ADGRA1: variants seen among roughly 807,000 people sequenced by gnomAD.
The protein encoded by ADGRA1 is adhesion G protein-coupled receptor A1.
In ADGRA1, 12 loss-of-function variants were observed where a neutral mutation model predicts 21.3. The observed-to-expected ratio is 0.56, with a 90% confidence interval of 0.36 to 0.91. The LOEUF is 0.91. ADGRA1 is among the 40% of genes least tolerant of loss of function. ADGRA1 has a pLI of 0.01. For missense variants in ADGRA1, 790 were observed against 805.6 expected, an observed-to-expected ratio of 0.98 and a Z score of 0.23; for synonymous variants, 385 against 368.8, an observed-to-expected ratio of 1.04 and a Z score of -0.50.
rs185079252 is a variant in ADGRA1, at chr10:133,114,476, T to C, written c.401+11634T>C. On this transcript the variant is annotated intron_variant, in intron 5 of 6. Coordinates refer to ENST00000392607, the MANE Select transcript of ADGRA1 (RefSeq NM_001083909.3). ...TGTGGTGCCGTCTGCAGGGTACAGC[T>C]GGTGCCCAGGACAGTGGCCCTGTCC... is the stretch of plus-strand genomic sequence containing the variant. Among the ~76,000 whole-genome samples the C allele has an allele frequency of 5.8e-3, 884 of 152,278 alleles. 2 individuals carry two copies. Among genetic ancestry groups the C allele is most frequent in the Non-Finnish European group, 0.01 (704 of 68,006 alleles).
chr10:133,104,118 C>T (rs957551408), intron 5 of ADGRA1, among the ~76,000 whole-genome samples: 3 of 152,250 alleles, frequency 2.0e-5, no homozygotes, highest in Non-Finnish European at 4.4e-5. Flanking sequence ...CATTTCAAGG[C>T]AGATACAGCC....
At chr10:133,089,041 CA>C in intron 2 of ADGRA1, 129 bp downstream of exon 2, 1 of 1,234,112 alleles carries the variant, frequency 8.1e-7, no homozygotes, top group Non-Finnish European at 1.0e-6. Context: ...CTTCCGGGCT[CA>C]GTGCCGGGGT....
Position 133,129,805 on chromosome 10 carries a change from C to T in ADGRA1, c.*294C>T, listed in dbSNP as rs987315249. Reference sequence around the variant, plus strand: ...CGTGCTGGTCCCGCACACGGTCATCCGGTTTCTGTCCTGTGGTCTCCAGTC... The same window carrying T: ...CGTGCTGGTCCCGCACACGGTCATCTGGTTTCTGTCCTGTGGTCTCCAGTC... On this transcript the variant is annotated 3_prime_UTR_variant, in exon 7 of 7. Transcript: ENST00000392607. 2.6e-5 allele frequency: 10 copies of T among 389,980 alleles called. No homozygotes were observed. The highest frequency in any genetic ancestry group is 4.8e-5 in the Non-Finnish European group (10 of 210,210). 24.2% of individuals were successfully genotyped at this position (389,980 alleles called of 1,614,324 possible). A position where few individuals can be genotyped will look rare whatever the true frequency, so the allele number is the denominator to read the frequency against.
chr10:133,121,611 A>C (rs1233555827), intron 5 of ADGRA1, among the ~76,000 whole-genome samples: 1 of 65,158 alleles, frequency 1.5e-5, no homozygotes, highest in Non-Finnish European at 3.0e-5. Context: ...TGTGCATGTG[A>C]GTGCCTGTGT....
At chr10:133,106,277 G>A (rs1480811930) in intron 5 of ADGRA1, among the ~76,000 whole-genome samples, 1 of 152,234 alleles carries the variant, frequency 6.6e-6, no homozygotes, top group Admixed American at 6.5e-5. Context: ...TTCAGTCCCA[G>A]GCCCATCACT....
intron 5 of ADGRA1, among the ~76,000 whole-genome samples, chr10:133,116,267 C>G (rs1331049733): frequency 6.6e-6 from 1 of 152,190 alleles, no homozygotes; most frequent in East Asian, 1.9e-4. Context: ...TCCGCAGGGC[C>G]TGTGCCTTCG....
chr10:133,111,086 T>G (rs1173034977), intron 5 of ADGRA1, among the ~76,000 whole-genome samples: 3 of 144,080 alleles, frequency 2.1e-5, no homozygotes, highest in Non-Finnish European at 4.6e-5. Context: ...GCCACCTGCC[T>G]GCCATGGGCA....
rs1224529093 is a variant in ADGRA1, at chr10:133,089,059, C to T, written c.3+147C>T. ...CCGGGCTCAGTGCCGGGGTGGGAGGCTCTGTGGAGTGGGGGCCGGGGACAG... is the reference window on the plus strand; with the variant it reads ...CCGGGCTCAGTGCCGGGGTGGGAGGTTCTGTGGAGTGGGGGCCGGGGACAG... On this transcript the variant is annotated intron_variant, in intron 2 of 6. Transcript: ENST00000392607. 8 of 1,230,192 alleles carry T rather than the reference C, an allele frequency of 6.5e-6. No homozygotes were observed. The East Asian group carries it at 2.5e-4, about 39-fold the overall frequency. The allele number at this position is 1,230,192 out of a possible 1,614,324, so 76.2% of individuals were successfully genotyped here.
intron 5 of ADGRA1, among the ~76,000 whole-genome samples, chr10:133,106,611 G>C (rs1387707549): frequency 1.3e-5 from 2 of 152,256 alleles, no homozygotes; most frequent in African/African-American, 4.8e-5. Flanking sequence ...GGGGACTGGA[G>C]AGCCCCCAGG....
chr10:133,111,793 C>A (rs200723082), intron 5 of ADGRA1, among the ~76,000 whole-genome samples: 647 of 72,828 alleles, frequency 8.9e-3, no homozygotes, highest in Non-Finnish European at 0.011. Flanking sequence ...CCCTCCAGAC[C>A]ACCTGCCCAC....
Position 133,088,925 on chromosome 10 carries a change from G to A in ADGRA1, c.3+13G>A, listed in dbSNP as rs1851551632. ...TGCAGCGCTCATGGTGAGTACGGGG[G>A]TCCCGGGGGTCCTGCAGCTGGGGGC... On this transcript the variant is annotated intron_variant, in intron 2 of 6. Coordinates refer to ENST00000392607, the MANE Select transcript of ADGRA1 (RefSeq NM_001083909.3). The A allele has an allele frequency of 2.4e-6, 3 of 1,241,484 alleles. No homozygotes were observed. Among genetic ancestry groups the A allele is most frequent in the African/African-American group, 1.5e-5 (1 of 64,858 alleles). The allele number at this position is 1,241,484 out of a possible 1,614,324, so 76.9% of individuals were successfully genotyped here.
rs1272406362 is a variant in ADGRA1 at position 133,130,780 on chromosome 10, A to C, written c.*1269A>C. ...GCACACACACAAACACGTGCATATC[A>C]CACACATGCACACAAACGTGCATAT... On this transcript the variant is annotated 3_prime_UTR_variant, in exon 7 of 7. Coordinates refer to ENST00000392607, the MANE Select transcript of ADGRA1 (RefSeq NM_001083909.3). 2 of 151,786 alleles carry C rather than the reference A, an allele frequency of 1.3e-5. No homozygotes were observed. Among genetic ancestry groups the C allele is most frequent in the Non-Finnish European group, 2.9e-5 (2 of 68,022 alleles). The allele number at this position is 151,786 out of a possible 1,614,324, so 9.4% of individuals were successfully genotyped here. A position where few individuals can be genotyped will look rare whatever the true frequency, so the allele number is the denominator to read the frequency against.
Position 133,118,013 on chromosome 10 carries a change from G to A in ADGRA1, c.402-9220G>A, listed in dbSNP as rs1049079822. ...GACAGTGGAGGCTGGGAGGGAATGA[G>A]CCAGCTGGTCAGGCCAGCCAGGTGA... On this transcript the variant is annotated intron_variant, in intron 5 of 6. Coordinates refer to ENST00000392607, the MANE Select transcript of ADGRA1 (RefSeq NM_001083909.3). 3.1e-4 allele frequency among the ~76,000 whole-genome samples: 47 copies of A among 152,364 alleles called. 1 individual carries two copies. The highest frequency in any genetic ancestry group is 1.0e-3 in the African/African-American group (42 of 41,586).
Position 133,128,955 on chromosome 10 carries a change from G to A in ADGRA1, c.1127G>A (p.Cys376Tyr). 6.4e-7 allele frequency: 1 copy of A among 1,556,394 alleles called. No individual in the cohort carries two copies. Among genetic ancestry groups the A allele is most frequent in the East Asian group, 2.3e-5 (1 of 42,772 alleles). The change falls in exon 7 of 7, where the codon TGC becomes TAC. Residue 376 changes from cysteine to tyrosine, a missense_variant. Cys to Tyr is a radical substitution (Grantham distance 194, BLOSUM62 -2). Coordinates refer to ENST00000392607, the MANE Select transcript of ADGRA1 (RefSeq NM_001083909.3). ...NLQAAQGHAS[C>Y]LSPATPCCAK... The stretch of plus-strand genomic sequence containing the variant: ...CAGGCCGCGCAGGGCCACGCCAGTT[G>A]CCTGTCACCGGCCACCCCGTGCTGC...
chr10:133,102,571 C>T, intron 4 of ADGRA1, 126 bp from the exon 5 acceptor site: 3 of 1,164,926 alleles, frequency 2.6e-6, no homozygotes, highest in Admixed American at 4.4e-5. Context: ...GCTGCCTGCC[C>T]TGGGATACAG....
chr10:133,097,231 T>C, intron 3 of ADGRA1, 130 bp downstream of exon 3: 1 of 1,153,878 alleles, frequency 8.7e-7, no homozygotes, highest in Non-Finnish European at 1.2e-6. Flanking sequence ...ACAACTCAGG[T>C]CACCAGCTAG....
At chr10:133,111,931 G>GACACC (rs1564849632) in intron 5 of ADGRA1, among the ~76,000 whole-genome samples, 2 of 10,534 alleles carry the variant, frequency 1.9e-4, no homozygotes, top group Admixed American at 1.1e-3. Context: ...CCTGCCCGCC[G>GACACC]TGAGCACCTC....
At chr10:133,117,816 G>C (rs1344912937) in intron 5 of ADGRA1, among the ~76,000 whole-genome samples, 1 of 152,218 alleles carries the variant, frequency 6.6e-6, no homozygotes, top group South Asian at 2.1e-4. Flanking sequence ...TTCATTCTGG[G>C]ATCCTGGGAG....
intron 5 of ADGRA1, among the ~76,000 whole-genome samples, chr10:133,123,128 C>A (rs1040874386): frequency 6.6e-6 from 1 of 152,210 alleles, no homozygotes; most frequent in Non-Finnish European, 1.5e-5. Flanking sequence ...CCCACCCATG[C>A]GGGGCTCAGC....
Sources: allele counts gnomAD v4.1 joint callset (sites outside exome capture counted in the v4.1 genomes callset), GRCh38; gene constraint gnomAD v4.1.1; transcripts MANE v1.5; gene names NCBI Gene and HGNC (gene_info 2026-07-23, HGNC 2026-07-21).